KCNJ1: variants seen among roughly 807,000 people sequenced by gnomAD.
The protein encoded by KCNJ1 is ATP-sensitive inward rectifier potassium channel 1.
KCNJ1 carries 24 observed loss-of-function variants against 21.9 expected under a neutral mutation model. That is an observed-to-expected ratio of 1.10 (90% CI 0.79 to 1.54). The LOEUF is 1.54. KCNJ1 is among the 40% of genes most tolerant of loss of function. KCNJ1 has a pLI of 0.00. For missense variants in KCNJ1, 457 were observed against 455.4 expected (o/e 1.00, Z -0.03); for synonymous variants, 152 against 160.9 (o/e 0.94, Z 0.42).
chr11:128,849,696 T>C (rs148647525), intron 2 of KCNJ1, among the ~76,000 whole-genome samples: 2 of 152,164 alleles, frequency 1.3e-5, no homozygotes, highest in East Asian at 3.9e-4. Flanking sequence ...AGATACACTG[T>C]CCAGCATCAT....
At chr11:128,864,068 T>TTC (rs1299043428) in intron 1 of KCNJ1, among the ~76,000 whole-genome samples, 3 of 146,392 alleles carry the variant, frequency 2.0e-5, no homozygotes, top group East Asian at 2.0e-4. Context: ...TTTTTTCTTT[T>TTC]TCTCTCTTTT....
chr11:128,842,420 C>A (rs746309474), intron 2 of KCNJ1: 2 of 1,613,766 alleles, frequency 1.2e-6, no homozygotes, highest in East Asian at 2.2e-5. Context: ...GCATTCATGG[C>A]TGGAAAAAGC....
rs141537682 is a variant in KCNJ1 at position 128,850,775 on chromosome 11, C to G, written c.-76G>C. The G allele has an allele frequency of 1.8e-4, 177 of 985,446 alleles. 1 individual carries two copies. The African/African-American group carries it at 2.8e-3, about 16-fold the overall frequency. 61.0% of individuals were successfully genotyped at this position (985,446 alleles called of 1,614,324 possible). ...TTCAAAACTTCATGTATAAGTAGAT[C>G]TTGGGGTGACCAGCAAGAGCTGCTT... On this transcript the variant is annotated 5_prime_UTR_variant, in exon 2 of 3. Coordinates refer to ENST00000392666, the MANE Select transcript of KCNJ1 (RefSeq NM_153766.3).
chr11:128,857,993 A>G (rs180863435), intron 1 of KCNJ1, among the ~76,000 whole-genome samples: 35 of 152,336 alleles, frequency 2.3e-4, no homozygotes, highest in Admixed American at 2.2e-3. Flanking sequence ...AAAGTTTTAA[A>G]AAGTGCAAGA....
At position 128,853,225 on chromosome 11, in the gene KCNJ1, G is replaced by C. The variant is rs113580585; in HGVS notation, c.-191-2335C>G. Among the ~76,000 whole-genome samples, 1,414 of 152,326 alleles carry C rather than the reference G, an allele frequency of 9.3e-3. 25 individuals are homozygous for C. The highest frequency in any genetic ancestry group is 0.028 in the African/African-American group (1,152 of 41,578). ...CGTAAAATGAGTATGTGAATAGCAG[G>C]ATTATTCATAATAGCCAAAGAGTGG... On this transcript the variant is annotated intron_variant, in intron 1 of 2. Coordinates refer to ENST00000392666, the MANE Select transcript of KCNJ1 (RefSeq NM_153766.3).
At chr11:128,844,345 C>T (rs192741812) in intron 2 of KCNJ1, among the ~76,000 whole-genome samples, 3 of 152,258 alleles carry the variant, frequency 2.0e-5, no homozygotes, top group East Asian at 1.9e-4. Context: ...CTAGGGCCAA[C>T]GGACTCTGCA....
chr11:128,844,817 A>G (rs1774476704), intron 2 of KCNJ1, among the ~76,000 whole-genome samples: 1 of 152,208 alleles, frequency 6.6e-6, no homozygotes, highest in African/African-American at 2.4e-5. Context: ...ATTTAGAATT[A>G]AAAGTCTATT....
At chr11:128,855,608 G>A (rs1006103361) in intron 1 of KCNJ1, among the ~76,000 whole-genome samples, 2 of 151,274 alleles carry the variant, frequency 1.3e-5, no homozygotes, top group East Asian at 1.9e-4. Flanking sequence ...GGGCTTAAAC[G>A]TCACCTCTTC....
intron 1 of KCNJ1, among the ~76,000 whole-genome samples, chr11:128,857,232 T>C (rs1943606789): frequency 1.3e-5 from 2 of 152,190 alleles, no homozygotes; most frequent in Admixed American, 6.5e-5. Flanking sequence ...CACCACCTTC[T>C]TCGAGAGCCT....
chr11:128,845,891 C>T (rs542722604), intron 2 of KCNJ1, among the ~76,000 whole-genome samples: 26 of 152,210 alleles, frequency 1.7e-4, no homozygotes, highest in Non-Finnish European at 3.1e-4. Flanking sequence ...ACAGCAAGGG[C>T]CTTCCTAGGT....
Position 128,841,101 on chromosome 11 carries a change from C to G in KCNJ1, c.-21-837G>C, listed in dbSNP as rs142652489. 2.9e-3 allele frequency among the ~76,000 whole-genome samples: 435 copies of G among 152,282 alleles called. 3 individuals carry two copies. The highest frequency in any genetic ancestry group is 0.01 in the Middle Eastern group (3 of 294). Reference sequence around the variant, plus strand: ...GATCCAACCAGATGGTCTCATAGGGCTTCTCCATAAATCTACAAGCCTGTT... The same window carrying G: ...GATCCAACCAGATGGTCTCATAGGGGTTCTCCATAAATCTACAAGCCTGTT... On this transcript the variant is annotated intron_variant, in intron 2 of 2. Coordinates refer to ENST00000392666, the MANE Select transcript of KCNJ1 (RefSeq NM_153766.3).
Position 128,862,125 on chromosome 11 carries a change from T to G in KCNJ1, c.-192+5048A>C, listed in dbSNP as rs764612250. 3.3e-5 allele frequency among the ~76,000 whole-genome samples: 5 copies of G among 152,114 alleles called. 1 individual carries two copies. In the East Asian group the frequency reaches 9.7e-4, roughly 29 times the overall value. ...CACCCCTTTCCCCACTGCCACAAGA[T>G]ACTTAAGGGGCAACTTTGTAGAAAT... On this transcript the variant is annotated intron_variant, in intron 1 of 2. Coordinates refer to ENST00000392666, the MANE Select transcript of KCNJ1 (RefSeq NM_153766.3).
At chr11:128,867,111 A>C (rs1218682302) in intron 1 of KCNJ1, 62 bp downstream of exon 1, 2 of 152,262 alleles carry the variant, frequency 1.3e-5, no homozygotes, top group East Asian at 3.9e-4. Context: ...AAGAGGTCTA[A>C]ATTTTCACAA....
At chr11:128,848,026 C>T (rs546123205) in intron 2 of KCNJ1, among the ~76,000 whole-genome samples, 8 of 152,078 alleles carry the variant, frequency 5.3e-5, no homozygotes, top group South Asian at 4.2e-4. Context: ...CAGTGGCTCA[C>T]GCCTGTAATC....
intron 2 of KCNJ1, among the ~76,000 whole-genome samples, chr11:128,843,185 C>T (rs1233392601): frequency 6.6e-6 from 1 of 152,218 alleles, no homozygotes; most frequent in Non-Finnish European, 1.5e-5. Context: ...CTGTCATTCA[C>T]ATGGCAGACC....
At chr11:128,848,825 G>C (rs908578746) in intron 2 of KCNJ1, among the ~76,000 whole-genome samples, 1 of 152,234 alleles carries the variant, frequency 6.6e-6, no homozygotes, top group African/African-American at 2.4e-5. Context: ...AGTGGATTGA[G>C]CCAGGGTTGA....
intron 1 of KCNJ1, among the ~76,000 whole-genome samples, chr11:128,854,398 C>T (rs1175424085): frequency 2.6e-5 from 4 of 152,174 alleles, no homozygotes; most frequent in Admixed American, 6.5e-5. Context: ...CCTCCAGAGA[C>T]TCAGCATGAC....
chr11:128,866,862 C>G (rs1182634007), intron 1 of KCNJ1, among the ~76,000 whole-genome samples: 1 of 152,128 alleles, frequency 6.6e-6, no homozygotes, highest in East Asian at 1.9e-4. Flanking sequence ...GATGAAAACC[C>G]TACATACATC....
intron 2 of KCNJ1, among the ~76,000 whole-genome samples, chr11:128,849,841 G>A (rs529005933): frequency 2.0e-5 from 3 of 152,230 alleles, no homozygotes; most frequent in East Asian, 1.9e-4. Context: ...GCAGAAGTTT[G>A]GTGTGATGAC....
Sources: allele counts gnomAD v4.1 joint callset (sites outside exome capture counted in the v4.1 genomes callset), GRCh38; gene constraint gnomAD v4.1.1; transcripts MANE v1.5; gene names NCBI Gene and HGNC (gene_info 2026-07-23, HGNC 2026-07-21).